ZFHX3: variants seen among roughly 807,000 people sequenced by gnomAD.
ZFHX3 encodes zinc finger homeobox protein 3.
ZFHX3 carries 42 observed loss-of-function variants against 279.1 expected under a neutral mutation model. That is an observed-to-expected ratio of 0.15 (90% confidence interval 0.12 to 0.19). The LOEUF is 0.19. ZFHX3 is among the 10% of genes least tolerant of loss of function. The pLI is 1.00. For synonymous variants in ZFHX3, 2,293 were observed against 1,957.8 expected (o/e 1.17, Z -4.52); for missense variants, 4,981 against 4,754.0 (o/e 1.05, Z -1.40).
chr16:73,322,084 G>C (rs1235952433), intron 3 of ZFHX3, among the ~76,000 whole-genome samples: 1 of 152,204 alleles, frequency 6.6e-6, no homozygotes, highest in African/African-American at 2.4e-5. Flanking sequence ...CCGTCGATCT[G>C]ACTTTGCTCA....
rs183042539 is a variant in ZFHX3, at chr16:73,831,080, A to G, written c.-1608+60571T>C. 6.6e-5 allele frequency among the ~76,000 whole-genome samples: 10 copies of G among 152,324 alleles called. No individual in the cohort carries two copies. The East Asian group carries it at 1.9e-3, about 29-fold the overall frequency. On this transcript the variant is annotated intron_variant, in intron 1 of 17. Coordinates refer to the ZFHX3 transcript ENST00000641206. ...ATTCAAAAGACCAAAGAGAAGGCCA[A>G]TAACCATTTTCAAAAGCAACCATAA...
rs1349711569 is a variant in ZFHX3, at chr16:73,429,571, G to T, written c.-1291+26432C>A. ...TGGTCTTGAACTCCTGGCCTCAAGT[G>T]ATTCGCCTGTCCTGGCCTCCCAAAG... On this transcript the variant is annotated intron_variant, in intron 3 of 17. Coordinates refer to the ZFHX3 transcript ENST00000641206. Among the ~76,000 whole-genome samples, 2 of 152,120 alleles carry T rather than the reference G, an allele frequency of 1.3e-5. 1 individual carries two copies. Among genetic ancestry groups the T allele is most frequent in the Non-Finnish European group, 2.9e-5 (2 of 68,030 alleles).
intron 3 of ZFHX3, among the ~76,000 whole-genome samples, chr16:72,929,981 G>A (rs1164979747): frequency 6.6e-6 from 1 of 152,248 alleles, no homozygotes. Context: ...ACTTTGGGAG[G>A]CCGAAGTGGG....
intron 1 of ZFHX3, among the ~76,000 whole-genome samples, chr16:73,055,559 C>T (rs545155708): frequency 1.3e-5 from 2 of 152,174 alleles, no homozygotes; most frequent in Non-Finnish European, 2.9e-5. Flanking sequence ...TCAATGTGAC[C>T]CTGAGGAGAA....
intron 2 of ZFHX3, among the ~76,000 whole-genome samples, chr16:73,588,502 C>T (rs780315458): frequency 1.2e-3 from 174 of 150,736 alleles, no homozygotes; most frequent in Non-Finnish European, 1.9e-3. Flanking sequence ...CTGGCTAACA[C>T]GGTGAAACCC....
At chr16:73,286,584 C>T (rs2014604058) in intron 4 of ZFHX3, among the ~76,000 whole-genome samples, 3 of 125,764 alleles carry the variant, frequency 2.4e-5, no homozygotes, top group South Asian at 2.8e-4. Flanking sequence ...TGGGTCTCTG[C>T]GTAGCTGTGT....
chr16:73,177,496 G>T (rs1385290053), intron 5 of ZFHX3, among the ~76,000 whole-genome samples: 2 of 152,224 alleles, frequency 1.3e-5, no homozygotes, highest in African/African-American at 4.8e-5. Context: ...TATGTGCACA[G>T]CATTGTGAGC....
intron 4 of ZFHX3, among the ~76,000 whole-genome samples, chr16:73,281,039 G>A (rs888178084): frequency 7.0e-6 from 1 of 142,534 alleles, no homozygotes; most frequent in South Asian, 2.5e-4. Flanking sequence ...GGGGAGGGGA[G>A]GGGAGGGGAG....
intron 1 of ZFHX3, among the ~76,000 whole-genome samples, chr16:73,047,097 G>A (rs554046991): frequency 3.9e-5 from 6 of 152,132 alleles, no homozygotes; most frequent in African/African-American, 1.4e-4. Flanking sequence ...CAGAAGGTTC[G>A]TTTCCCTCCA....
intron 8 of ZFHX3, chr16:73,081,760 G>T (rs899543862): frequency 6.6e-6 from 1 of 152,006 alleles, no homozygotes; most frequent in Non-Finnish European, 1.5e-5. Flanking sequence ...TTTTTCCAGT[G>T]ACGTTGTTCT....
chr16:72,983,175 C>A (rs969422520), intron 1 of ZFHX3, among the ~76,000 whole-genome samples: 4 of 152,208 alleles, frequency 2.6e-5, no homozygotes, highest in African/African-American at 9.6e-5. Flanking sequence ...TGATAGAAAA[C>A]AATGAGACTT....
intron 4 of ZFHX3, among the ~76,000 whole-genome samples, chr16:73,312,039 C>T (rs2015340568): frequency 6.6e-6 from 1 of 152,168 alleles, no homozygotes; most frequent in African/African-American, 2.4e-5. Flanking sequence ...ATCTGGACTG[C>T]TGAATGCAGT....
intron 1 of ZFHX3, among the ~76,000 whole-genome samples, chr16:73,045,805 T>TGG (rs370846607): frequency 0.11 from 12,476 of 111,604 alleles, 1,423 homozygotes; most frequent in African/African-American, 0.21. Flanking sequence ...AAAAAAAAAG[T>TGG]GGGGGGGGGT....
chr16:72,881,520 C>T (rs2038469759), intron 4 of ZFHX3, among the ~76,000 whole-genome samples: 1 of 152,292 alleles, frequency 6.6e-6, no homozygotes, highest in South Asian at 2.1e-4. Context: ...TCTATTTCCT[C>T]CCTGGCCCCT....
intron 6 of ZFHX3, among the ~76,000 whole-genome samples, chr16:73,142,239 G>C (rs922098409): frequency 6.6e-6 from 1 of 152,164 alleles, no homozygotes; most frequent in Non-Finnish European, 1.5e-5. Flanking sequence ...CTTTTGCCCT[G>C]CCTGCTCTCC....
At chr16:72,866,193 C>A (rs899715689) in intron 4 of ZFHX3, among the ~76,000 whole-genome samples, 3 of 152,154 alleles carry the variant, frequency 2.0e-5, no homozygotes, top group Non-Finnish European at 4.4e-5. Context: ...GGCAGATACA[C>A]AGAGAGGGAG....
At chr16:72,941,654 A>AT (rs112979985) in intron 3 of ZFHX3, among the ~76,000 whole-genome samples, 1 of 150,874 alleles carries the variant, frequency 6.6e-6, no homozygotes, top group Non-Finnish European at 1.5e-5. Flanking sequence ...CCCTGTTTCT[A>AT]TTTTTTTTTA....
chr16:73,018,977 C>T (rs1351679575), intron 1 of ZFHX3, among the ~76,000 whole-genome samples: 2 of 152,156 alleles, frequency 1.3e-5, no homozygotes, highest in Admixed American at 1.3e-4. Context: ...ACCTCAGAGG[C>T]CCAGAGCTCC....
rs74030115 is a variant in ZFHX3, at chr16:73,570,624, G to C, written c.-1547+109556C>G. On this transcript the variant is annotated intron_variant, in intron 2 of 17. Coordinates refer to the ZFHX3 transcript ENST00000641206. ...GAGTTTTCTCTTTGAAAAGTTTCTT[G>C]GGCATGAGCTTGATCTTTCTATATT... 4.6e-3 allele frequency among the ~76,000 whole-genome samples: 696 copies of C among 152,160 alleles called. 4 individuals are homozygous for C. The highest frequency in any genetic ancestry group is 0.016 in the African/African-American group (675 of 41,504).
Sources: gnomAD v4.1 joint callset for allele counts (sites outside exome capture counted in the v4.1 genomes callset) on GRCh38, gnomAD v4.1.1 for gene constraint, MANE v1.5 for transcripts, NCBI Gene and HGNC (gene_info 2026-07-23, HGNC 2026-07-21) for gene names.